Variants in FREM3 observed in about 807,000 individuals in gnomAD.
FREM3 encodes FRAS1 related extracellular matrix 3, also known as FRAS1-related extracellular matrix protein 3.
In FREM3, 105 loss-of-function variants were observed where a neutral mutation model predicts 129.1. That is an observed-to-expected ratio of 0.81 (90% CI 0.69 to 0.96). FREM3 has a LOEUF of 0.96. Among genes scored for constraint, FREM3 ranks in the 40% least tolerant of loss-of-function variants. The probability of loss-of-function intolerance (pLI) is 0.00; values close to 1 mark genes in which losing one functional copy is unlikely to be tolerated. For missense variants in FREM3, 2,593 were observed against 2,666.3 expected, an observed-to-expected ratio of 0.97 and a Z score of 0.61; for synonymous variants, 1,014 against 1,044.9, an observed-to-expected ratio of 0.97 and a Z score of 0.57.
chr4:143,669,981 T>A (rs1234876243), intron 2 of FREM3, among the ~76,000 whole-genome samples: 2 of 152,168 alleles, frequency 1.3e-5, no homozygotes, highest in African/African-American at 4.8e-5. Flanking sequence ...AACTATGTAA[T>A]TTTTAAACTA....
chr4:143,650,437 T>G (rs1328701827), intron 2 of FREM3, among the ~76,000 whole-genome samples: 1 of 152,182 alleles, frequency 6.6e-6, no homozygotes, highest in Non-Finnish European at 1.5e-5. Flanking sequence ...ATCTAAACCC[T>G]CACCAGGCCC....
At chr4:143,649,087 C>G (rs1739468485) in intron 2 of FREM3, 1 of 152,096 alleles carries the variant, frequency 6.6e-6, no homozygotes, top group South Asian at 2.1e-4. Flanking sequence ...AACTGAAATT[C>G]CATGGCTTAA....
intron 6 of FREM3, among the ~76,000 whole-genome samples, chr4:143,593,555 T>C (rs1173223836): frequency 6.6e-6 from 1 of 152,004 alleles, no homozygotes; most frequent in Admixed American, 6.6e-5. Flanking sequence ...CAGCGGATAT[T>C]GGTGAACTGC....
At chr4:143,622,617 C>T (rs1392840057) in intron 4 of FREM3, among the ~76,000 whole-genome samples, 3 of 152,092 alleles carry the variant, frequency 2.0e-5, no homozygotes, top group Non-Finnish European at 4.4e-5. Flanking sequence ...CTCCATTTTA[C>T]CTGTATGGTA....
chr4:143,626,220 T>C (rs2149842740), intron 3 of FREM3, among the ~76,000 whole-genome samples: 1 of 152,274 alleles, frequency 6.6e-6, no homozygotes, highest in East Asian at 1.9e-4. Flanking sequence ...ACAACAAATA[T>C]TGGTGACTAC....
At chr4:143,692,867 C>T (rs536868940) in intron 2 of FREM3, among the ~76,000 whole-genome samples, 7 of 152,278 alleles carry the variant, frequency 4.6e-5, no homozygotes, top group African/African-American at 1.4e-4. Context: ...AGATAAAATA[C>T]TTCACATTTC....
At position 143,631,403 on chromosome 4, in the gene FREM3, G is replaced by T. The variant is rs1395897997; in HGVS notation, c.5276-3643C>A. Among the ~76,000 whole-genome samples, 3 of 152,066 alleles carry T rather than the reference G, an allele frequency of 2.0e-5. No individual in the cohort carries two copies. The East Asian group carries it at 5.8e-4, about 29-fold the overall frequency. ...TTGTCACCTAGGCTGGAGTGCGGTA[G>T]CACCGTCTCAGCTCACTGTAACCTC... On this transcript the variant is annotated intron_variant, in intron 2 of 7. Transcript: ENST00000329798.
intron 5 of FREM3, among the ~76,000 whole-genome samples, chr4:143,616,057 A>T (rs1232164410): frequency 6.6e-6 from 1 of 152,242 alleles, no homozygotes. Flanking sequence ...CAGATCTTTC[A>T]CAGATTCAGA....
intron 3 of FREM3, among the ~76,000 whole-genome samples, chr4:143,625,311 G>A (rs924940443): frequency 6.6e-6 from 1 of 152,150 alleles, no homozygotes; most frequent in Non-Finnish European, 1.5e-5. Flanking sequence ...GTGTGGATGT[G>A]TGAAATCAAA....
intron 2 of FREM3, among the ~76,000 whole-genome samples, chr4:143,689,505 A>G (rs1400353465): frequency 6.6e-6 from 1 of 152,192 alleles, no homozygotes; most frequent in Admixed American, 6.5e-5. Context: ...TAGAACTACA[A>G]TTTGATCCAG....
At chr4:143,621,746 G>A (rs886366554) in intron 4 of FREM3, among the ~76,000 whole-genome samples, 3 of 152,162 alleles carry the variant, frequency 2.0e-5, no homozygotes, top group Non-Finnish European at 4.4e-5. Context: ...GTGTGTATGT[G>A]TGTGTGTGCA....
intron 5 of FREM3, among the ~76,000 whole-genome samples, chr4:143,619,874 T>C (rs1359101797): frequency 2.0e-5 from 3 of 151,756 alleles, no homozygotes; most frequent in Non-Finnish European, 4.4e-5. Flanking sequence ...GGGGTATTAT[T>C]TAAAAAAAAA....
At position 143,629,118 on chromosome 4, in the gene FREM3, G is replaced by A. The variant is rs138862678; in HGVS notation, c.5276-1358C>T. Among the ~76,000 whole-genome samples, 344 of 152,204 alleles carry A rather than the reference G, an allele frequency of 2.3e-3. 2 individuals carry two copies. Among genetic ancestry groups the A allele is most frequent in the African/African-American group, 7.8e-3 (322 of 41,548 alleles). ...TTCAAGGAACCCATGAAAACACCAA[G>A]TAAGGAAGGGGTCCCCTTTAAAGAG... On this transcript the variant is annotated intron_variant, in intron 2 of 7. Transcript: ENST00000329798.
rs564171815 is a variant in FREM3 at position 143,664,457 on chromosome 4, G to T, written c.5275+28656C>A. Among the ~76,000 whole-genome samples, 3 of 152,238 alleles carry T rather than the reference G, an allele frequency of 2.0e-5. No individual in the cohort carries two copies. The South Asian group carries it at 6.2e-4, about 32-fold the overall frequency. On this transcript the variant is annotated intron_variant, in intron 2 of 7. Transcript: ENST00000329798. Reference sequence around the variant, plus strand: ...TCGTTCCTCTGGAAGTTTTGTCTCAGAGGAGTACCCTGCCGTGTGAGGTGT... The same window carrying T: ...TCGTTCCTCTGGAAGTTTTGTCTCATAGGAGTACCCTGCCGTGTGAGGTGT...
intron 6 of FREM3, among the ~76,000 whole-genome samples, chr4:143,608,691 A>C (rs1033486463): frequency 6.6e-6 from 1 of 152,220 alleles, no homozygotes; most frequent in Non-Finnish European, 1.5e-5. Flanking sequence ...AATGTAACTC[A>C]GTATGTGCTC....
At chr4:143,663,163 A>G (rs1354032009) in intron 2 of FREM3, among the ~76,000 whole-genome samples, 7 of 152,070 alleles carry the variant, frequency 4.6e-5, no homozygotes, top group Non-Finnish European at 7.4e-5. Flanking sequence ...TAGTTGATGC[A>G]GTTTCTTCCT....
intron 2 of FREM3, among the ~76,000 whole-genome samples, chr4:143,641,412 T>G (rs887398389): frequency 6.6e-6 from 1 of 152,224 alleles, no homozygotes; most frequent in Non-Finnish European, 1.5e-5. Flanking sequence ...AATTGTGAGT[T>G]TGGCTGAACC....
At chr4:143,592,311 A>T (rs1417544086) in intron 6 of FREM3, among the ~76,000 whole-genome samples, 1 of 151,580 alleles carries the variant, frequency 6.6e-6, no homozygotes, top group Non-Finnish European at 1.5e-5. Flanking sequence ...TCTGCCCATT[A>T]GTTGATGCAG....
At chr4:143,665,940 T>G (rs1428989991) in intron 2 of FREM3, among the ~76,000 whole-genome samples, 1 of 152,154 alleles carries the variant, frequency 6.6e-6, no homozygotes, top group African/African-American at 2.4e-5. Context: ...TTTCTTACAC[T>G]ATCAATCCAG....
Sources: allele counts gnomAD v4.1 joint callset (sites outside exome capture counted in the v4.1 genomes callset), GRCh38; gene constraint gnomAD v4.1.1; transcripts MANE v1.5; gene names NCBI Gene and HGNC (gene_info 2026-07-23, HGNC 2026-07-21).